The following SRL variants were observed in gnomAD, a reference collection of about 807,000 sequenced individuals.
SRL encodes the protein sarcalumenin.
Under a neutral mutation model 39.5 loss-of-function variants are expected in SRL, and 23 were observed. The observed-to-expected ratio is 0.58, with a 90% CI of 0.42 to 0.82. SRL has a LOEUF of 0.82. SRL is among the 40% of genes least tolerant of loss of function. The pLI is 0.00. For synonymous variants in SRL, 272 were observed against 237.4 expected, an observed-to-expected ratio of 1.15 and a Z score of -1.34; for missense variants, 592 against 607.8, an observed-to-expected ratio of 0.97 and a Z score of 0.27.
At chr16:4,232,041 C>T (rs1355447103) in intron 1 of SRL, among the ~76,000 whole-genome samples, 3 of 152,182 alleles carry the variant, frequency 2.0e-5, no homozygotes, top group African/African-American at 4.8e-5. Flanking sequence ...TTTGCTCTGC[C>T]CCCGGGTTCC....
chr16:4,205,189 C>T (rs1348824171), intron 1 of SRL, among the ~76,000 whole-genome samples: 1 of 152,122 alleles, frequency 6.6e-6, no homozygotes, highest in African/African-American at 2.4e-5. Context: ...GAGTGGTGCA[C>T]ACCCATAGTC....
intron 2 of SRL, 49 bp from the exon 3 acceptor site, chr16:4,203,310 G>A: frequency 6.5e-7 from 1 of 1,533,294 alleles, no homozygotes; most frequent in Non-Finnish European, 9.0e-7. Context: ...GTGCGATCCA[G>A]GCAGCTCCTC....
chr16:4,202,359 C>T (rs2052247236), intron 3 of SRL, among the ~76,000 whole-genome samples: 1 of 152,066 alleles, frequency 6.6e-6, no homozygotes, highest in African/African-American at 2.4e-5. Flanking sequence ...TTTGGGAGGC[C>T]GAAGCGGGCA....
At chr16:4,200,620 C>A (rs765362182) in intron 3 of SRL, among the ~76,000 whole-genome samples, 2 of 152,218 alleles carry the variant, frequency 1.3e-5, no homozygotes, top group Non-Finnish European at 2.9e-5. Flanking sequence ...GGCCAAGACT[C>A]CGGGTCTTAG....
chr16:4,231,359 A>G (rs951468188), intron 1 of SRL, among the ~76,000 whole-genome samples: 7 of 152,112 alleles, frequency 4.6e-5, no homozygotes, highest in Non-Finnish European at 1.0e-4. Flanking sequence ...ACTTTGTGGC[A>G]AGTTGTTACC....
chr16:4,230,237 G>C (rs541633043), intron 1 of SRL, among the ~76,000 whole-genome samples: 8 of 152,048 alleles, frequency 5.3e-5, no homozygotes, highest in East Asian at 1.9e-4. Flanking sequence ...GATCAGCCAG[G>C]GGGGGCAACC....
intron 1 of SRL, among the ~76,000 whole-genome samples, chr16:4,241,302 C>T (rs1273078130): frequency 6.6e-6 from 1 of 152,130 alleles, no homozygotes; most frequent in African/African-American, 2.4e-5. Flanking sequence ...TGCTGCAACC[C>T]AAGCCACCAC....
rs545559601 is a variant in SRL at position 4,221,575 on chromosome 16, G to A, written c.62-16941C>T. Among the ~76,000 whole-genome samples, 8 of 152,276 alleles carry A rather than the reference G, an allele frequency of 5.3e-5. No homozygotes were observed. In the East Asian group the frequency reaches 5.8e-4, roughly 11 times the overall value. The stretch of plus-strand genomic sequence containing the variant: ...CCATGTCTGAGGAGCTTAGTGGGCC[G>A]GCCTGGCCAAAGGGTCCCACTCAGC... On this transcript the variant is annotated intron_variant, in intron 1 of 5. Coordinates refer to ENST00000399609, the MANE Select transcript of SRL (RefSeq NM_001098814.2).
intron 1 of SRL, chr16:4,207,780 GC>G (rs2052342224): frequency 4.4e-6 from 2 of 454,192 alleles, no homozygotes; most frequent in African/African-American, 4.0e-5. Flanking sequence ...GAGGGCGCTT[GC>G]CACTGGTGGG....
At chr16:4,229,287 C>T (rs925166621) in intron 1 of SRL, among the ~76,000 whole-genome samples, 2 of 151,658 alleles carry the variant, frequency 1.3e-5, no homozygotes, top group Non-Finnish European at 2.9e-5. Context: ...ACTGAAAATA[C>T]AAAAAAATTA....
At chr16:4,240,114 T>A (rs1185865779) in intron 1 of SRL, among the ~76,000 whole-genome samples, 1 of 152,072 alleles carries the variant, frequency 6.6e-6, no homozygotes, top group African/African-American at 2.4e-5. Context: ...GAGGAGAAGC[T>A]CTGTGGGGTC....
intron 1 of SRL, chr16:4,239,673 T>G (rs1175490395): frequency 1.3e-5 from 2 of 152,326 alleles, no homozygotes; most frequent in African/African-American, 4.8e-5. Flanking sequence ...AGGCAGGGTC[T>G]GTCACAGAGA....
chr16:4,195,729 G>A lies in SRL; in HGVS notation c.434C>T (p.Thr145Ile). 1 of 1,614,050 alleles carries A rather than the reference G, an allele frequency of 6.2e-7. No homozygotes were observed. ...AGCAGCCATGACGATGCCCTCGATG[G>A]TTTTCAGCTTAGGCCCATGCATGAG... ...TVLMHGPKLK[T>I]IEGIVMAADS... Residue 145 changes from threonine to isoleucine, a missense_variant, in exon 5 of 6, where the codon ACC becomes ATC. Transcript: ENST00000399609.
At position 4,236,073 on chromosome 16, in the gene SRL, A is replaced by G. The variant is rs1478524268; in HGVS notation, c.61+5934T>C. On this transcript the variant is annotated intron_variant, in intron 1 of 5. Transcript: ENST00000399609. ...TGCGCAACAGAGTGAGTCCCTGTCTAAAAAAATAAATAAAAAGAAAACGTA... is the reference window on the plus strand; with the variant it reads ...TGCGCAACAGAGTGAGTCCCTGTCTGAAAAAATAAATAAAAAGAAAACGTA... Among the ~76,000 whole-genome samples, 8 of 152,288 alleles carry G rather than the reference A, an allele frequency of 5.3e-5. No individual in the cohort carries two copies. In the East Asian group the frequency reaches 7.7e-4, roughly 15 times the overall value.
chr16:4,209,793 C>G (rs1476588754), intron 1 of SRL, among the ~76,000 whole-genome samples: 1 of 152,178 alleles, frequency 6.6e-6, no homozygotes, highest in Non-Finnish European at 1.5e-5. Flanking sequence ...TTACGACTGT[C>G]AGAGAGATTT....
intron 1 of SRL, among the ~76,000 whole-genome samples, chr16:4,241,010 C>T (rs940209078): frequency 1.3e-5 from 2 of 152,146 alleles, no homozygotes; most frequent in African/African-American, 4.8e-5. Flanking sequence ...CCTGCTCTCC[C>T]TGCAGGGACT....
At chr16:4,206,647 C>T (rs1018483659) in intron 1 of SRL, 8 of 456,050 alleles carry the variant, frequency 1.8e-5, no homozygotes, top group African/African-American at 1.4e-4. Flanking sequence ...TCTGTCCCTG[C>T]CTGTCCCCTA....
At chr16:4,201,401 C>T (rs2052227853) in intron 3 of SRL, among the ~76,000 whole-genome samples, 2 of 151,366 alleles carry the variant, frequency 1.3e-5, no homozygotes, top group South Asian at 4.2e-4. Context: ...CTCAGCTTCC[C>T]CAGTAGCTGG....
At chr16:4,216,095 T>C (rs1355849820) in intron 1 of SRL, among the ~76,000 whole-genome samples, 1 of 151,664 alleles carries the variant, frequency 6.6e-6, no homozygotes, top group East Asian at 1.9e-4. Context: ...GTCCTGAGAA[T>C]TGACAGAATA....
Sources: allele counts gnomAD v4.1 joint callset (sites outside exome capture counted in the v4.1 genomes callset), GRCh38; gene constraint gnomAD v4.1.1; transcripts MANE v1.5; gene names NCBI Gene and HGNC (gene_info 2026-07-23, HGNC 2026-07-21).